The following NDUFA5 variants were observed in gnomAD, a reference collection of about 807,000 sequenced individuals.
NDUFA5 encodes the protein NADH dehydrogenase [ubiquinone] 1 alpha subcomplex subunit 5.
A neutral mutation model predicts 19.8 loss-of-function variants in NDUFA5; 11 were observed. The ratio of observed to expected loss-of-function variants is 0.56; its 90% CI spans 0.35 to 0.92. NDUFA5 has a LOEUF of 0.92. Among genes scored for constraint, NDUFA5 ranks in the 40% least tolerant of loss-of-function variants. The pLI, the probability that NDUFA5 is intolerant of heterozygous loss-of-function variation, is 0.01. For missense variants in NDUFA5, 109 were observed against 134.2 expected, an observed-to-expected ratio of 0.81 and a Z score of 0.93; for synonymous variants, 47 against 46.8, an observed-to-expected ratio of 1.00 and a Z score of -0.01.
intron 2 of NDUFA5, 168 bp downstream of exon 2, chr7:123,557,236 A>T (rs1027104974): frequency 3.0e-5 from 27 of 907,296 alleles, no homozygotes; most frequent in Non-Finnish European, 4.4e-5. Flanking sequence ...TAAAAATGTG[A>T]CATCGGATCA....
the NDUFA5 span, among the ~76,000 whole-genome samples, chr7:123,576,792 C>T: frequency 6.6e-6 from 1 of 152,172 alleles, no homozygotes; most frequent in Admixed American, 6.6e-5. Flanking sequence ...CTAAGATCTG[C>T]TGCCACTAGG....
chr7:123,574,004 T>C, the NDUFA5 span, among the ~76,000 whole-genome samples: 1 of 152,144 alleles, frequency 6.6e-6, no homozygotes, highest in Non-Finnish European at 1.5e-5. Flanking sequence ...AGTAATATGA[T>C]AGACCAAAGA....
chr7:123,557,996 A>C (rs1798628923), upstream of NDUFA5: 2 of 794,288 alleles, frequency 2.5e-6, no homozygotes, highest in South Asian at 1.8e-5. Context: ...ACAAGCCTAA[A>C]GCTAAGCTAG....
rs188066697 is a variant in NDUFA5 at position 123,537,601 on chromosome 7, T to C, written c.*4518A>G. Reference sequence around the variant, plus strand: ...AGCAGTTTAGAATCAAATATATTGATACATCTGTGGCAAAATATATTCATA... The same window carrying C: ...AGCAGTTTAGAATCAAATATATTGACACATCTGTGGCAAAATATATTCATA... On this transcript the variant is annotated 3_prime_UTR_variant, in exon 5 of 5. Transcript: ENST00000355749. 3 of 152,298 alleles carry C rather than the reference T, an allele frequency of 2.0e-5. No homozygotes were observed. Among genetic ancestry groups the C allele is most frequent in the Admixed American group, 2.0e-4 (3 of 15,306 alleles). 9.4% of individuals were successfully genotyped at this position (152,298 alleles called of 1,614,324 possible).
upstream of NDUFA5, among the ~76,000 whole-genome samples, chr7:123,561,389 A>T (rs1187337240): frequency 6.6e-6 from 1 of 152,220 alleles, no homozygotes; most frequent in Non-Finnish European, 1.5e-5. Flanking sequence ...TCATTCAAGA[A>T]GCAACTCATC....
At chr7:123,581,783 CAT>C in the NDUFA5 span, among the ~76,000 whole-genome samples, 1 of 152,020 alleles carries the variant, frequency 6.6e-6, no homozygotes, top group African/African-American at 2.4e-5. Flanking sequence ...GAATATATCA[CAT>C]ATGTTTGTAT....
chr7:123,556,620 A>C, intron 2 of NDUFA5: 2 of 254,984 alleles, frequency 7.8e-6, no homozygotes, highest in South Asian at 4.8e-5. Context: ...AAAAAAAAAA[A>C]CGCTGCTATT....
chr7:123,548,768 C>T (rs73222280), intron 3 of NDUFA5, among the ~76,000 whole-genome samples: 44,639 of 151,878 alleles, frequency 0.29, 6,694 homozygotes, highest in East Asian at 0.32. Context: ...GGTAGCTAAG[C>T]AAGCTTCATA....
At chr7:123,566,826 T>C in the NDUFA5 span, among the ~76,000 whole-genome samples, 1 of 152,196 alleles carries the variant, frequency 6.6e-6, no homozygotes, top group Admixed American at 6.5e-5. Context: ...TTGGCCGAAA[T>C]GACCTTATTT....
upstream of NDUFA5, among the ~76,000 whole-genome samples, chr7:123,559,716 C>A (rs773290472): frequency 1.3e-5 from 2 of 151,746 alleles, no homozygotes; most frequent in Non-Finnish European, 1.5e-5. Context: ...ATTAGCCAGG[C>A]CTTGTGGTGT....
At chr7:123,551,943 A>G (rs1798356234) in intron 2 of NDUFA5, among the ~76,000 whole-genome samples, 1 of 152,204 alleles carries the variant, frequency 6.6e-6, no homozygotes, top group African/African-American at 2.4e-5. Flanking sequence ...ACAGATGAGA[A>G]CAGGGGACTA....
At chr7:123,577,131 T>A in the NDUFA5 span, among the ~76,000 whole-genome samples, 2 of 152,208 alleles carry the variant, frequency 1.3e-5, no homozygotes, top group Non-Finnish European at 2.9e-5. Context: ...TCTGTCTTTT[T>A]CATATTATTT....
the NDUFA5 span, among the ~76,000 whole-genome samples, chr7:123,568,215 A>C: frequency 1.1e-4 from 16 of 152,158 alleles, no homozygotes; most frequent in Non-Finnish European, 2.1e-4. Flanking sequence ...AGTTGTCTCT[A>C]TTGAAAATTA....
At chr7:123,584,552 T>C in the NDUFA5 span, among the ~76,000 whole-genome samples, 2 of 152,068 alleles carry the variant, frequency 1.3e-5, no homozygotes, top group African/African-American at 4.8e-5. Flanking sequence ...TGTAATAGAT[T>C]AGTATAATAT....
chr7:123,586,548 T>G, the NDUFA5 span, among the ~76,000 whole-genome samples: 1 of 151,862 alleles, frequency 6.6e-6, no homozygotes, highest in African/African-American at 2.4e-5. Context: ...GCAGAAACTT[T>G]TAAAATTTGA....
At chr7:123,547,775 T>C (rs1020759373) in intron 3 of NDUFA5, among the ~76,000 whole-genome samples, 1 of 152,096 alleles carries the variant, frequency 6.6e-6, no homozygotes, top group South Asian at 2.1e-4. Context: ...AGTTCAAAAT[T>C]TGTCTTACCG....
At chr7:123,584,726 C>A in the NDUFA5 span, 4 of 151,930 alleles carry the variant, frequency 2.6e-5, no homozygotes, top group East Asian at 5.8e-4. Context: ...CCAGGGGAAA[C>A]AATTCTATTC....
the NDUFA5 span, among the ~76,000 whole-genome samples, chr7:123,583,526 T>C: frequency 3.9e-5 from 6 of 152,016 alleles, no homozygotes; most frequent in African/African-American, 1.4e-4. Context: ...TACTTCAATT[T>C]CTGCTATATG....
upstream of NDUFA5, among the ~76,000 whole-genome samples, chr7:123,559,291 A>T (rs1157840883): frequency 6.7e-6 from 1 of 149,006 alleles, no homozygotes; most frequent in African/African-American, 2.5e-5. Context: ...GATCTAACAT[A>T]ATTAAAGAAA....
Sources: allele counts gnomAD v4.1 joint callset (sites outside exome capture counted in the v4.1 genomes callset), GRCh38; gene constraint gnomAD v4.1.1; transcripts MANE v1.5; gene names NCBI Gene and HGNC (gene_info 2026-07-23, HGNC 2026-07-21).